Variants in SUCO observed in about 807,000 individuals in gnomAD.
SUCO encodes the protein SUN domain containing ossification factor, also known as SUN domain-containing ossification factor.
In SUCO, 57 loss-of-function variants were observed where a neutral mutation model predicts 148.1. That is an observed-to-expected ratio of 0.38 (90% CI 0.31 to 0.48). The LOEUF is 0.48. Among genes scored for constraint, SUCO ranks in the 20% least tolerant of loss-of-function variants. The pLI, the probability that SUCO is intolerant of heterozygous loss-of-function variation, is 0.96. For synonymous variants in SUCO, 470 were observed against 502.7 expected, an observed-to-expected ratio of 0.93 and a Z score of 0.87; for missense variants, 1,331 against 1,468.2, an observed-to-expected ratio of 0.91 and a Z score of 1.53.
intron 6 of SUCO, among the ~76,000 whole-genome samples, chr1:172,562,397 G>T (rs1284628605): frequency 1.3e-5 from 2 of 149,638 alleles, no homozygotes; most frequent in Non-Finnish European, 2.9e-5. Context: ...GCAGTGGTGC[G>T]ATCTCTGCTC....
intron 19 of SUCO, among the ~76,000 whole-genome samples, chr1:172,595,731 T>A (rs930103874): frequency 6.6e-5 from 10 of 152,346 alleles, no homozygotes; most frequent in African/African-American, 2.2e-4. Flanking sequence ...ATTTCAACTT[T>A]GGTGAATCTG....
intron 1 of SUCO, among the ~76,000 whole-genome samples, chr1:172,548,429 C>T (rs1653029656): frequency 6.6e-6 from 1 of 151,792 alleles, no homozygotes; most frequent in Admixed American, 6.6e-5. Flanking sequence ...CAATGCCTAT[C>T]CATATATCCT....
chr1:172,568,600 T>C (rs1654724809), intron 6 of SUCO: 1 of 218,674 alleles, frequency 4.6e-6, no homozygotes, highest in South Asian at 1.6e-4. Flanking sequence ...TGTTTCTTTT[T>C]AAGGATATTG....
intron 9 of SUCO, 160 bp downstream of exon 9, chr1:172,570,890 CT>C (rs1311075106): frequency 3.9e-6 from 2 of 512,008 alleles, no homozygotes; most frequent in African/African-American, 2.0e-5. Flanking sequence ...CCTTCCTTTC[CT>C]TTTGAGGAGG....
At chr1:172,535,846 AT>A (rs1442171778) in intron 1 of SUCO, among the ~76,000 whole-genome samples, 1 of 151,914 alleles carries the variant, frequency 6.6e-6, no homozygotes, top group Non-Finnish European at 1.5e-5. Flanking sequence ...GTAGATCTTG[AT>A]TATGTCTCCC....
intron 19 of SUCO, among the ~76,000 whole-genome samples, chr1:172,598,509 T>G (rs1657279209): frequency 6.6e-6 from 1 of 152,234 alleles, no homozygotes; most frequent in African/African-American, 2.4e-5. Context: ...TGTTGATGAA[T>G]TTATAGATTA....
Position 172,589,581 on chromosome 1 carries a change from C to G in SUCO, c.2480C>G (p.Pro827Arg). The G allele has an allele frequency of 1.2e-6, 2 of 1,613,712 alleles. No homozygotes were observed. The highest frequency in any genetic ancestry group is 2.2e-5 in the East Asian group (1 of 44,872). ...AAGCTGTCTGAAACAATAGTGCCACCAATAAATACAGCCACTGTACCCGAC... is the reference window on the plus strand; with the variant it reads ...AAGCTGTCTGAAACAATAGTGCCACGAATAAATACAGCCACTGTACCCGAC... ...FTKLSETIVP[P>R]INTATVPDNE... Residue 827 changes from proline (P) to arginine (R), a missense_variant, in exon 18 of 24, where the codon CCA becomes CGA. By Grantham distance (103) the Pro-to-Arg change is moderately radical. Around this residue, in one of 3 missense-constraint regions of SUCO, gnomAD observed 992 missense variants for 1,093.5 expected, o/e 0.91. Transcript: ENST00000263688.
chr1:172,553,163 TGG>T, intron 2 of SUCO, 95 bp from the exon 3 acceptor site: 1 of 1,306,064 alleles, frequency 7.7e-7, no homozygotes, highest in Middle Eastern at 2.4e-4. Flanking sequence ...GGCAGTTTTT[TGG>T]TTTTAAAGTA....
chr1:172,601,020 C>A lies in SUCO; in HGVS notation c.3018+852C>A, dbSNP rs73034058. 2.6e-5 allele frequency among the ~76,000 whole-genome samples: 4 copies of A among 152,192 alleles called. 1 individual carries two copies. Among genetic ancestry groups the A allele is most frequent in the African/African-American group, 9.6e-5 (4 of 41,504 alleles). On this transcript the variant is annotated intron_variant, in intron 20 of 23. Coordinates refer to ENST00000263688, the MANE Select transcript of SUCO (RefSeq NM_014283.5). Reference sequence around the variant, plus strand: ...GCAGAGGCCTGGTCATGTAGGACTTCGTAGACAATTTAGAGTTTGAATTTT... The same window carrying A: ...GCAGAGGCCTGGTCATGTAGGACTTAGTAGACAATTTAGAGTTTGAATTTT...
Position 172,610,502 on chromosome 1 carries a change from A to G in SUCO, c.*243A>G, listed in dbSNP as rs928823367. On this transcript the variant is annotated 3_prime_UTR_variant, in exon 24 of 24. Transcript: ENST00000263688. ...AGACATTTTATAAAGATGTTTTTTC[A>G]CAAGATTAATTACTGGGACAAAAGT... 2 of 444,722 alleles carry G rather than the reference A, an allele frequency of 4.5e-6. No homozygotes were observed. The highest frequency in any genetic ancestry group is 1.5e-4 in the South Asian group (2 of 13,528). 27.5% of individuals were successfully genotyped at this position (444,722 alleles called of 1,614,324 possible). A position where few individuals can be genotyped will look rare whatever the true frequency, so the allele number is the denominator to read the frequency against.
chr1:172,559,183 A>G (rs1368851863), intron 6 of SUCO, among the ~76,000 whole-genome samples: 2 of 152,178 alleles, frequency 1.3e-5, no homozygotes, highest in African/African-American at 4.8e-5. Context: ...TATACAGAGA[A>G]TGCTTTCCAA....
In SUCO at chr1:172,533,513, G is replaced by A; in HGVS notation, c.62+16G>A. 3 of 1,532,730 alleles carry A rather than the reference G, an allele frequency of 2.0e-6. No homozygotes were observed. Among genetic ancestry groups the A allele is most frequent in the South Asian group, 2.5e-5 (2 of 81,256 alleles). 94.9% of individuals were successfully genotyped at this position (1,532,730 alleles called of 1,614,324 possible). On this transcript the variant is annotated intron_variant, in intron 1 of 23. Transcript: ENST00000263688. ...CTCTGGTCTGGTGAGTAGCCGCGAC[G>A]ACAAGGGAGTTCCCGTGAGGGGAGT...
rs750563353 is a variant in SUCO, at chr1:172,585,929, A to G, written c.1639A>G (p.Thr547Ala). Reference protein sequence around the residue: ...PKMPESTPVSTPVPSPEYVTT... With the variant: ...PKMPESTPVSAPVPSPEYVTT... ...AATGCCTGAATCAACTCCTGTTTCA[A>G]CTCCTGTTCCATCTCCTGAGTAAGT... is the stretch of plus-strand genomic sequence containing the variant. Residue 547 changes from threonine to alanine, a missense_variant, in exon 17 of 24, where the codon ACT becomes GCT. Coordinates refer to ENST00000263688, the MANE Select transcript of SUCO (RefSeq NM_014283.5). The G allele has an allele frequency of 1.2e-6, 2 of 1,608,226 alleles. No individual in the cohort carries two copies. Among genetic ancestry groups the G allele is most frequent in the Non-Finnish European group, 1.7e-6 (2 of 1,176,358 alleles).
intron 22 of SUCO, among the ~76,000 whole-genome samples, chr1:172,605,693 C>T (rs763031399): frequency 2.4e-4 from 36 of 151,854 alleles, no homozygotes; most frequent in Non-Finnish European, 4.1e-4. Flanking sequence ...TAAGCAGTGT[C>T]GTTTTACTAG....
Position 172,553,435 on chromosome 1 carries a change from C to CTTTG in SUCO, c.288+66_288+69dup, listed in dbSNP as rs59905937. 0.012 allele frequency: 14,203 copies of CTTTG among 1,195,632 alleles called. 977 individuals are homozygous for CTTTG. The African/African-American group carries it at 0.17, about 14-fold the overall frequency. The allele number at this position is 1,195,632 out of a possible 1,614,324, so 74.1% of individuals were successfully genotyped here. A position where few individuals can be genotyped will look rare whatever the true frequency, so the allele number is the denominator to read the frequency against. On this transcript the variant is annotated intron_variant, in intron 3 of 23. Transcript: ENST00000263688. ...CAAACTACTTTACAAGATTGAAAAC[C>CTTTG]TTTGGTCACCATATTGTGTGTGTAT...
In SUCO at chr1:172,589,509, T is replaced by C; in HGVS notation, c.2408T>C (p.Met803Thr). ...TYETNKVNEL[M>T]DNIIKEDVNS... ...GAAACAAATAAAGTTAATGAGTTAA[T>C]GGATAATATTATAAAAGAAGATGTG... Residue 803 changes from methionine to threonine, a missense_variant, in exon 18 of 24, where the codon ATG (methionine) becomes ACG (threonine). By Grantham distance (81) the Met-to-Thr change is moderately conservative. Coordinates refer to ENST00000263688, the MANE Select transcript of SUCO (RefSeq NM_014283.5). 1.2e-6 allele frequency: 2 copies of C among 1,612,756 alleles called. No homozygotes were observed. The highest frequency in any genetic ancestry group is 2.2e-5 in the East Asian group (1 of 44,852).
chr1:172,567,852 A>C (rs1218887996), intron 6 of SUCO, among the ~76,000 whole-genome samples: 1 of 151,938 alleles, frequency 6.6e-6, no homozygotes, highest in African/African-American at 2.4e-5. Flanking sequence ...CACACTTTAA[A>C]CTCCATTAGA....
rs1221830340 is a variant in SUCO, at chr1:172,602,806, A to G, written c.3265+19A>G. On this transcript the variant is annotated intron_variant, in intron 22 of 23. Transcript: ENST00000263688. ...AAAGAAGGTAGATTTCTGTGGATAT[A>G]TAATATGTATATATAAACATGAAAC... The G allele has an allele frequency of 3.2e-6, 5 of 1,562,342 alleles. No individual in the cohort carries two copies. Among genetic ancestry groups the G allele is most frequent in the South Asian group, 1.1e-5 (1 of 89,746 alleles).
At chr1:172,600,981 G>T (rs1388083209) in intron 20 of SUCO, among the ~76,000 whole-genome samples, 1 of 152,138 alleles carries the variant, frequency 6.6e-6, no homozygotes, top group Non-Finnish European at 1.5e-5. Context: ...CTGAGAAATG[G>T]GTTCAAGATA....
Sources: gnomAD v4.1 joint callset for allele counts (sites outside exome capture counted in the v4.1 genomes callset) on GRCh38, gnomAD v4.1.1 for gene constraint, gnomAD v4.1.1 regional missense constraint, MANE v1.5 for transcripts, NCBI Gene and HGNC (gene_info 2026-07-23, HGNC 2026-07-21) for gene names.